The following MAML3 variants were observed in gnomAD, a reference collection of about 807,000 sequenced individuals.
MAML3 encodes the protein mastermind-like protein 3.
Under a neutral mutation model 101.9 loss-of-function variants are expected in MAML3, and 27 were observed. That is an observed-to-expected ratio of 0.27 (90% CI 0.20 to 0.37). The LOEUF (loss-of-function observed/expected upper bound fraction) is 0.37, where lower values mean the gene tolerates loss of function less well. MAML3 is among the 10% of genes least tolerant of loss of function. The probability of loss-of-function intolerance (pLI) is 1.00; values close to 1 mark genes in which losing one functional copy is unlikely to be tolerated. For missense variants in MAML3, 1,316 were observed against 1,444.9 expected (o/e 0.91, Z 1.45); for synonymous variants, 501 against 555.9 (o/e 0.90, Z 1.39).
In MAML3 at chr4:139,860,376, C is replaced by T. The variant is rs1310445305; in HGVS notation, c.2079+28981G>A. On this transcript the variant is annotated intron_variant, in intron 2 of 4. Coordinates refer to ENST00000509479, the MANE Select transcript of MAML3 (RefSeq NM_018717.5). ...AAAGTTCTCCATGAGGCATTTCCTGCGCCCTGGAGCCCATGGAAACAGGCA... is the reference window on the plus strand; with the variant it reads ...AAAGTTCTCCATGAGGCATTTCCTGTGCCCTGGAGCCCATGGAAACAGGCA... Among the ~76,000 whole-genome samples, 3 of 152,228 alleles carry T rather than the reference C, an allele frequency of 2.0e-5. No individual in the cohort carries two copies. In the East Asian group the frequency reaches 5.8e-4, roughly 29 times the overall value.
chr4:139,730,602 T>G lies in MAML3; in HGVS notation c.2145A>C (p.Ser715=). ...GACTGGCTCCTGAGACCATGCCACC[T>G]GAGCCTGGGGGCACGGAGGACTGCA... ...GPMQSSVPPG[S]GGMVSGASPA... The change falls in exon 3 of 5, where the codon TCA becomes TCC. Residue 715 remains serine (S), a synonymous_variant. Coordinates refer to ENST00000509479, the MANE Select transcript of MAML3 (RefSeq NM_018717.5). The G allele has an allele frequency of 6.2e-7, 1 of 1,611,760 alleles. No homozygotes were observed. The highest frequency in any genetic ancestry group is 1.1e-5 in the South Asian group (1 of 90,230).
At position 139,992,176 on chromosome 4, in the gene MAML3, T is replaced by C. The variant is rs1383807552; in HGVS notation, c.469-101209A>G. 2.6e-5 allele frequency among the ~76,000 whole-genome samples: 4 copies of C among 152,220 alleles called. 1 individual carries two copies. Among genetic ancestry groups the C allele is most frequent in the African/African-American group, 9.7e-5 (4 of 41,444 alleles). The stretch of plus-strand genomic sequence containing the variant: ...GGGGGTATCCATCTTGTAGCAGGCA[T>C]TGAGTTCCTTATAACTGCTGTGAAG... On this transcript the variant is annotated intron_variant, in intron 1 of 4. Transcript: ENST00000509479.
chr4:139,855,470 C>T (rs1428700520), intron 2 of MAML3, among the ~76,000 whole-genome samples: 5 of 152,184 alleles, frequency 3.3e-5, no homozygotes, highest in Non-Finnish European at 7.4e-5. Context: ...TGTTTTTCAA[C>T]ACATGTATTA....
At position 139,837,548 on chromosome 4, in the gene MAML3, C is replaced by T. The variant is rs551550359; in HGVS notation, c.2079+51809G>A. On this transcript the variant is annotated intron_variant, in intron 2 of 4. Transcript: ENST00000509479. ...ACAAACAAAACAAAATCACTTTTAC[C>T]GCAAGAGCACAGTTCAGCAATCAGA... is the stretch of plus-strand genomic sequence containing the variant. Among the ~76,000 whole-genome samples the T allele has an allele frequency of 9.9e-5, 15 of 152,024 alleles. No individual in the cohort carries two copies. The Middle Eastern group carries it at 0.017, about 172-fold the overall frequency.
chr4:140,100,819 T>C (rs1490910524), intron 1 of MAML3, among the ~76,000 whole-genome samples: 1 of 152,102 alleles, frequency 6.6e-6, no homozygotes, highest in African/African-American at 2.4e-5. Context: ...CTTGGACCAA[T>C]CAAGTATGGG....
intron 1 of MAML3, among the ~76,000 whole-genome samples, chr4:139,984,060 T>C (rs1734492448): frequency 6.6e-6 from 1 of 152,078 alleles, no homozygotes; most frequent in Non-Finnish European, 1.5e-5. Context: ...AAGAGGGAAG[T>C]AATGTATCAG....
At chr4:139,967,839 A>G (rs1407087044) in intron 1 of MAML3, among the ~76,000 whole-genome samples, 1 of 152,034 alleles carries the variant, frequency 6.6e-6, no homozygotes, top group East Asian at 1.9e-4. Context: ...CTTGTATTTA[A>G]AGTCAACCTC....
intron 1 of MAML3, among the ~76,000 whole-genome samples, chr4:139,983,715 A>G (rs1734485337): frequency 2.0e-5 from 3 of 152,322 alleles, no homozygotes; most frequent in South Asian, 4.1e-4. Flanking sequence ...ATTTGGTAAC[A>G]TGGAAAACAG....
At chr4:139,897,827 C>G (rs1732641635) in intron 1 of MAML3, among the ~76,000 whole-genome samples, 1 of 152,188 alleles carries the variant, frequency 6.6e-6, no homozygotes, top group Admixed American at 6.5e-5. Context: ...CCCAGCTAAA[C>G]TCTCCAGGCT....
intron 1 of MAML3, among the ~76,000 whole-genome samples, chr4:139,976,244 T>C (rs930073578): frequency 6.7e-6 from 1 of 150,308 alleles, no homozygotes; most frequent in Non-Finnish European, 1.5e-5. Flanking sequence ...GTTCTTCTGG[T>C]TTTTTTTCTT....
At chr4:140,024,582 C>T (rs1726789773) in intron 1 of MAML3, among the ~76,000 whole-genome samples, 2 of 152,142 alleles carry the variant, frequency 1.3e-5, no homozygotes, top group South Asian at 4.1e-4. Context: ...CAAGATTTGA[C>T]TCCAGCAGTC....
At chr4:139,995,906 T>G (rs1734799640) in intron 1 of MAML3, among the ~76,000 whole-genome samples, 1 of 152,106 alleles carries the variant, frequency 6.6e-6, no homozygotes, top group East Asian at 1.9e-4. Flanking sequence ...CCATTTTTCT[T>G]TCTTTAAATA....
intron 1 of MAML3, among the ~76,000 whole-genome samples, chr4:139,919,634 A>G (rs998591265): frequency 2.6e-5 from 4 of 152,236 alleles, no homozygotes; most frequent in African/African-American, 9.6e-5. Flanking sequence ...CGAACAGCAC[A>G]TGGAAAAACA....
rs140433082 is a variant in MAML3 at position 140,068,542 on chromosome 4, A to G, written c.468+84318T>C. ...AAACAAGCACTGTTCTGGAAAGAGAACTCTACCAGGAGCTCACTCTCCCAG... is the reference window on the plus strand; with the variant it reads ...AAACAAGCACTGTTCTGGAAAGAGAGCTCTACCAGGAGCTCACTCTCCCAG... On this transcript the variant is annotated intron_variant, in intron 1 of 4. Coordinates refer to ENST00000509479, the MANE Select transcript of MAML3 (RefSeq NM_018717.5). Among the ~76,000 whole-genome samples the G allele has an allele frequency of 1.7e-3, 261 of 152,300 alleles. 1 individual carries two copies. The highest frequency in any genetic ancestry group is 6.2e-3 in the African/African-American group (256 of 41,562).
In MAML3 at chr4:139,740,970, G is replaced by A. The variant is rs141915181; in HGVS notation, c.2080-10303C>T. On this transcript the variant is annotated intron_variant, in intron 2 of 4. Coordinates refer to ENST00000509479, the MANE Select transcript of MAML3 (RefSeq NM_018717.5). ...CCAGAGGCCGTGAGAGGGAGGGCCCGTGTCAGCCTGCTCTGCCGGTTTCCC... is the reference window on the plus strand; with the variant it reads ...CCAGAGGCCGTGAGAGGGAGGGCCCATGTCAGCCTGCTCTGCCGGTTTCCC... 4.2e-3 allele frequency among the ~76,000 whole-genome samples: 647 copies of A among 152,278 alleles called. 3 individuals are homozygous for A. The highest frequency in any genetic ancestry group is 0.014 in the African/African-American group (594 of 41,560).
rs150972188 is a variant in MAML3 at position 140,051,923 on chromosome 4, A to G, written c.468+100937T>C. 3.2e-3 allele frequency among the ~76,000 whole-genome samples: 490 copies of G among 152,254 alleles called. 12 individuals are homozygous for G. The highest frequency in any genetic ancestry group is 0.025 in the Admixed American group (380 of 15,300). On this transcript the variant is annotated intron_variant, in intron 1 of 4. Transcript: ENST00000509479. ...GCCACTGGGCCACCAGAACCAGGCA[A>G]TTCTCTCTGAAGCCCTGTGAGGACT... is the stretch of plus-strand genomic sequence containing the variant.
At chr4:139,815,680 C>T (rs2111116917) in intron 2 of MAML3, among the ~76,000 whole-genome samples, 1 of 152,254 alleles carries the variant, frequency 6.6e-6, no homozygotes, top group East Asian at 1.9e-4. Context: ...GGTACTACTA[C>T]TACTACTTTG....
At chr4:139,971,407 T>G (rs1005888665) in intron 1 of MAML3, among the ~76,000 whole-genome samples, 2 of 152,228 alleles carry the variant, frequency 1.3e-5, no homozygotes, top group African/African-American at 4.8e-5. Flanking sequence ...CAGGTATAAC[T>G]ATATTTAATG....
chr4:139,846,344 AT>A (rs1433650125), intron 2 of MAML3, among the ~76,000 whole-genome samples: 6 of 152,160 alleles, frequency 3.9e-5, no homozygotes, highest in African/African-American at 7.2e-5. Flanking sequence ...GATGTATTTT[AT>A]TTTATTTATT....
Sources: allele counts gnomAD v4.1 joint callset (sites outside exome capture counted in the v4.1 genomes callset), GRCh38; gene constraint gnomAD v4.1.1; transcripts MANE v1.5; gene names NCBI Gene and HGNC (gene_info 2026-07-23, HGNC 2026-07-21).